Variants in ANTXR2 observed in about 807,000 individuals in gnomAD.
ANTXR2 encodes the protein ANTXR cell adhesion molecule 2, also known as anthrax toxin receptor 2.
ANTXR2 carries 44 observed loss-of-function variants against 73.7 expected under a neutral mutation model. The ratio of observed to expected loss-of-function variants is 0.60; its 90% CI spans 0.47 to 0.77. The LOEUF (loss-of-function observed/expected upper bound fraction) is 0.77. Among genes scored for constraint, ANTXR2 ranks in the 30% least tolerant of loss-of-function variants. The pLI is 0.00. For missense variants in ANTXR2, 604 were observed against 592.5 expected (o/e 1.02, Z -0.20); for synonymous variants, 217 against 205.9 (o/e 1.05, Z -0.46).
At chr4:79,937,549 G>A (rs894009797) in intron 16 of ANTXR2, among the ~76,000 whole-genome samples, 8 of 151,778 alleles carry the variant, frequency 5.3e-5, no homozygotes, top group African/African-American at 1.9e-4. Context: ...TGTCTATCAG[G>A]GTATATAGTA....
chr4:79,956,053 A>G (rs1728875167), intron 16 of ANTXR2, among the ~76,000 whole-genome samples: 1 of 152,184 alleles, frequency 6.6e-6, no homozygotes, highest in South Asian at 2.1e-4. Flanking sequence ...TGGAAGTTGC[A>G]GTATACGAAG....
chr4:80,070,903 G>T (rs527682753), intron 2 of ANTXR2, among the ~76,000 whole-genome samples: 3 of 151,832 alleles, frequency 2.0e-5, no homozygotes, highest in South Asian at 4.2e-4. Context: ...AGCCTCAAAA[G>T]CCTAGTGTCC....
At position 79,906,086 on chromosome 4, in the gene ANTXR2, T is replaced by A. The variant is rs1235500974; in HGVS notation, c.*1343A>T. ...AGTGACTAGATCATTTGAGCTTTTT[T>A]CTTCAGCTGCTGCCTTCCTCCCCCA... On this transcript the variant is annotated 3_prime_UTR_variant, in exon 17 of 17. Transcript: ENST00000403729. 1 of 152,610 alleles carries A rather than the reference T, an allele frequency of 6.6e-6. No homozygotes were observed. The highest frequency in any genetic ancestry group is 1.5e-5 in the Non-Finnish European group (1 of 68,036). 9.5% of individuals were successfully genotyped at this position (152,610 alleles called of 1,614,324 possible).
At chr4:80,061,372 C>T (rs965996021) in intron 3 of ANTXR2, among the ~76,000 whole-genome samples, 4 of 152,032 alleles carry the variant, frequency 2.6e-5, no homozygotes, top group Non-Finnish European at 5.9e-5. Flanking sequence ...AAGCCTCACA[C>T]ACTCATGTTG....
At chr4:80,024,044 A>G (rs1258807727) in intron 10 of ANTXR2, among the ~76,000 whole-genome samples, 3 of 152,262 alleles carry the variant, frequency 2.0e-5, no homozygotes, top group Admixed American at 6.5e-5. Flanking sequence ...TGTACTTGAA[A>G]TAAGTACCAA....
chr4:80,017,917 A>G (rs1731951735), intron 11 of ANTXR2, among the ~76,000 whole-genome samples: 1 of 152,202 alleles, frequency 6.6e-6, no homozygotes, highest in African/African-American at 2.4e-5. Flanking sequence ...AGCTGTTGGT[A>G]AAGACTTATC....
chr4:79,985,248 G>A (rs931164727), intron 12 of ANTXR2, among the ~76,000 whole-genome samples: 2 of 151,966 alleles, frequency 1.3e-5, no homozygotes, highest in East Asian at 1.9e-4. Flanking sequence ...TACTTGCGAG[G>A]CTGAGGCAGG....
rs1466085824 is a variant in ANTXR2 at position 80,018,926 on chromosome 4, C to A, written c.917G>T (p.Gly306Val). The change falls in exon 11 of 17, where the codon GGA becomes GTA. Residue 306 changes from glycine (G) to valine (V), a missense_variant. Transcript: ENST00000403729. Reference protein sequence around the residue: ...SFNGGKSVISGSLIVTATECS... With the variant: ...SFNGGKSVISVSLIVTATECS... ...TTCTGTGGCTGTGACAATTAATGAT[C>A]CTGAAATGACAGATTTTCCTCCATT... 2.0e-6 allele frequency: 3 copies of A among 1,518,846 alleles called. No homozygotes were observed. The highest frequency in any genetic ancestry group is 5.1e-5 in the East Asian group (2 of 39,416). The allele number at this position is 1,518,846 out of a possible 1,614,324, so 94.1% of individuals were successfully genotyped here.
At chr4:80,029,803 G>A (rs1009919346) in intron 10 of ANTXR2, among the ~76,000 whole-genome samples, 2 of 151,672 alleles carry the variant, frequency 1.3e-5, no homozygotes, top group African/African-American at 2.4e-5. Context: ...GTATAAAAGT[G>A]CAGGTGCAGG....
intron 11 of ANTXR2, among the ~76,000 whole-genome samples, chr4:80,014,741 G>A (rs1176835545): frequency 6.6e-6 from 1 of 152,142 alleles, no homozygotes; most frequent in Non-Finnish European, 1.5e-5. Flanking sequence ...AAGGGAGATA[G>A]TGCCCCTATC....
chr4:80,059,599 C>T (rs1247790162), intron 3 of ANTXR2, among the ~76,000 whole-genome samples: 1 of 152,092 alleles, frequency 6.6e-6, no homozygotes, highest in Non-Finnish European at 1.5e-5. Flanking sequence ...CTCAGGCAAG[C>T]CTCTCATCTT....
chr4:79,944,516 T>C (rs1477826022), intron 16 of ANTXR2, among the ~76,000 whole-genome samples: 3 of 149,736 alleles, frequency 2.0e-5, no homozygotes, highest in Middle Eastern at 3.2e-3. Flanking sequence ...GGGAAAAATG[T>C]GAACATGAGT....
intron 12 of ANTXR2, among the ~76,000 whole-genome samples, chr4:79,993,442 G>C (rs1014849418): frequency 2.0e-5 from 3 of 151,816 alleles, no homozygotes; most frequent in Non-Finnish European, 2.9e-5. Flanking sequence ...CCCTCCCCCT[G>C]TCACTCCTAA....
intron 12 of ANTXR2, among the ~76,000 whole-genome samples, chr4:79,996,752 C>G (rs1016863738): frequency 6.6e-6 from 1 of 151,948 alleles, no homozygotes; most frequent in African/African-American, 2.4e-5. Flanking sequence ...GAATTCCATT[C>G]TTATATCAAA....
rs370573212 is a variant in ANTXR2 at position 79,955,851 on chromosome 4, T to G, written c.1428+21770A>C. 8.5e-5 allele frequency among the ~76,000 whole-genome samples: 13 copies of G among 152,270 alleles called. No individual in the cohort carries two copies. In the East Asian group the frequency reaches 1.9e-3, roughly 23 times the overall value. On this transcript the variant is annotated intron_variant, in intron 16 of 16. Transcript: ENST00000403729. ...AATATGCCACCAAGGGCTATAGGAA[T>G]AGCTCTAATTTTTCTTCCTTCCTAT...
chr4:79,922,501 G>T (rs1390923676), intron 16 of ANTXR2, among the ~76,000 whole-genome samples: 4 of 152,016 alleles, frequency 2.6e-5, no homozygotes, highest in African/African-American at 9.7e-5. Flanking sequence ...AATGAAAAAT[G>T]TAACCTTTCA....
chr4:80,071,779 A>C (rs1734799143), intron 1 of ANTXR2, 125 bp from the exon 2 acceptor site: 2 of 731,886 alleles, frequency 2.7e-6, no homozygotes, highest in East Asian at 2.6e-5. Context: ...AAGCTAAGTA[A>C]GGGTATCTGT....
intron 10 of ANTXR2, among the ~76,000 whole-genome samples, chr4:80,028,347 T>C (rs1732533011): frequency 6.6e-6 from 1 of 152,150 alleles, no homozygotes; most frequent in African/African-American, 2.4e-5. Flanking sequence ...GCTACTCGGC[T>C]ACATTCTTAC....
In ANTXR2 at chr4:80,072,510, G is replaced by A. The variant is rs956630751; in HGVS notation, c.51C>T (p.Pro17=). The A allele has an allele frequency of 3.1e-6, 5 of 1,604,432 alleles. No homozygotes were observed. The highest frequency in any genetic ancestry group is 1.3e-5 in the African/African-American group (1 of 74,196). Residue 17 remains proline (P), a synonymous_variant, in exon 1 of 17, where the codon CCC becomes CCT. Coordinates refer to ENST00000403729, the MANE Select transcript of ANTXR2 (RefSeq NM_058172.6). ...PARSPGSWLF[P]GLWLLVLSGP... ...CGCTGAGCACCAACAGCCACAGCCC[G>A]GGGAACAGCCAGCTCCCGGGGCTGC...
Sources: gnomAD v4.1 joint callset for allele counts (sites outside exome capture counted in the v4.1 genomes callset) on GRCh38, gnomAD v4.1.1 for gene constraint, MANE v1.5 for transcripts, NCBI Gene and HGNC (gene_info 2026-07-23, HGNC 2026-07-21) for gene names.